Variants in HIVEP3 observed in about 807,000 individuals in gnomAD.
HIVEP3 encodes the protein HIVEP zinc finger 3.
Under a neutral mutation model 152.8 loss-of-function variants are expected in HIVEP3, and 49 were observed. The ratio of observed to expected loss-of-function variants is 0.32; its 90% CI spans 0.26 to 0.41. HIVEP3 has a LOEUF of 0.41. Among genes scored for constraint, HIVEP3 ranks in the 10% least tolerant of loss-of-function variants. HIVEP3 has a pLI of 1.00. For synonymous variants in HIVEP3, 1,269 were observed against 1,289.0 expected (o/e 0.98, Z 0.33); for missense variants, 2,790 against 3,103.3 (o/e 0.90, Z 2.40).
At chr1:41,522,768 G>A (rs1249885812) in intron 6 of HIVEP3, among the ~76,000 whole-genome samples, 1 of 152,224 alleles carries the variant, frequency 6.6e-6, no homozygotes, top group Non-Finnish European at 1.5e-5. Flanking sequence ...CCCCCTGTGG[G>A]AAACTGCTTG....
intron 5 of HIVEP3, among the ~76,000 whole-genome samples, chr1:41,567,764 C>G (rs1011252231): frequency 5.3e-5 from 8 of 152,248 alleles, no homozygotes; most frequent in Non-Finnish European, 1.0e-4. Context: ...CCTTGAACAC[C>G]TGCAGAGCAG....
At chr1:41,699,166 C>T (rs1033896770) in intron 2 of HIVEP3, among the ~76,000 whole-genome samples, 6 of 152,346 alleles carry the variant, frequency 3.9e-5, no homozygotes, top group Middle Eastern at 3.4e-3. Flanking sequence ...GTGCTGAGCA[C>T]GTGGTGCATA....
chr1:41,639,023 A>G (rs1645330982), intron 2 of HIVEP3, among the ~76,000 whole-genome samples: 1 of 151,906 alleles, frequency 6.6e-6, no homozygotes. Flanking sequence ...CCCTCCTGAC[A>G]CCCTCCTGAC....
intron 1 of HIVEP3, among the ~76,000 whole-genome samples, chr1:41,926,234 C>A (rs191642798): frequency 6.6e-6 from 1 of 152,182 alleles, no homozygotes; most frequent in African/African-American, 2.4e-5. Context: ...TCAACTCCCT[C>A]GTACTTTTTA....
chr1:41,885,982 G>A (rs1470057347), intron 1 of HIVEP3, among the ~76,000 whole-genome samples: 1 of 152,180 alleles, frequency 6.6e-6, no homozygotes, highest in East Asian at 1.9e-4. Flanking sequence ...GTGATGCTAA[G>A]GAAGAAAGTT....
At chr1:41,952,826 A>G (rs971220777) in intron 1 of HIVEP3, among the ~76,000 whole-genome samples, 3 of 152,248 alleles carry the variant, frequency 2.0e-5, no homozygotes, top group African/African-American at 7.2e-5. Context: ...GTGATATAAA[A>G]TATCATTTAT....
At chr1:41,976,179 T>C (rs1376808966) in intron 1 of HIVEP3, among the ~76,000 whole-genome samples, 2 of 152,254 alleles carry the variant, frequency 1.3e-5, no homozygotes, top group East Asian at 3.8e-4. Flanking sequence ...CACGTGTGAC[T>C]TGAAAGTTTA....
rs1006173597 is a variant in HIVEP3, at chr1:41,684,019, C to A, written c.-721+16897G>T. 5.3e-5 allele frequency among the ~76,000 whole-genome samples: 8 copies of A among 152,342 alleles called. No homozygotes were observed. In the South Asian group the frequency reaches 1.4e-3, roughly 28 times the overall value. On this transcript the variant is annotated intron_variant, in intron 2 of 8. Transcript: ENST00000372583. ...GCAGCTGTGTGGTCCTTTGTCCTGTCTTCCAAAAGCACTGCCTTTAAAAAA... is the reference window on the plus strand; with the variant it reads ...GCAGCTGTGTGGTCCTTTGTCCTGTATTCCAAAAGCACTGCCTTTAAAAAA...
chr1:41,649,479 C>T (rs1161672040), intron 2 of HIVEP3, among the ~76,000 whole-genome samples: 1 of 152,256 alleles, frequency 6.6e-6, no homozygotes, highest in Non-Finnish European at 1.5e-5. Flanking sequence ...TTGTTAAATA[C>T]ACGAATCCTT....
intron 1 of HIVEP3, among the ~76,000 whole-genome samples, chr1:41,954,905 C>T (rs1426905730): frequency 6.6e-6 from 1 of 151,896 alleles, no homozygotes; most frequent in Non-Finnish European, 1.5e-5. Flanking sequence ...ACGTGAGTCA[C>T]ACTCGGTAAA....
intron 1 of HIVEP3, among the ~76,000 whole-genome samples, chr1:41,797,263 G>A (rs1186494237): frequency 6.6e-6 from 1 of 152,160 alleles, no homozygotes; most frequent in Non-Finnish European, 1.5e-5. Flanking sequence ...TTCAACCAGG[G>A]CCCAGCTATG....
chr1:41,862,070 C>T (rs1643894491), intron 1 of HIVEP3, among the ~76,000 whole-genome samples: 1 of 152,142 alleles, frequency 6.6e-6, no homozygotes, highest in Non-Finnish European at 1.5e-5. Flanking sequence ...GTGGCATCGT[C>T]AGACATAAAG....
chr1:41,795,205 G>A (rs1348013919), intron 1 of HIVEP3, among the ~76,000 whole-genome samples: 1 of 152,086 alleles, frequency 6.6e-6, no homozygotes, highest in African/African-American at 2.4e-5. Flanking sequence ...CTCCTTAACT[G>A]TCCTCTGGTC....
intron 1 of HIVEP3, among the ~76,000 whole-genome samples, chr1:41,787,801 C>T (rs979638367): frequency 4.0e-5 from 6 of 151,896 alleles, no homozygotes; most frequent in African/African-American, 1.2e-4. Context: ...TACTAAGATG[C>T]TACAATTACA....
intron 5 of HIVEP3, among the ~76,000 whole-genome samples, chr1:41,562,064 T>G (rs1644073455): frequency 6.6e-6 from 1 of 152,196 alleles, no homozygotes; most frequent in African/African-American, 2.4e-5. Context: ...TGCTGAACAC[T>G]TGTATACTTT....
chr1:41,563,972 T>C (rs764836452), intron 5 of HIVEP3, among the ~76,000 whole-genome samples: 1 of 152,114 alleles, frequency 6.6e-6, no homozygotes, highest in Non-Finnish European at 1.5e-5. Context: ...AGAGGGCAGA[T>C]CATGAGGTCT....
intron 1 of HIVEP3, among the ~76,000 whole-genome samples, chr1:41,990,481 G>T (rs1258856181): frequency 6.9e-6 from 1 of 145,478 alleles, no homozygotes; most frequent in Non-Finnish European, 1.5e-5. Flanking sequence ...CCCAATACAG[G>T]AGCACCCAGA....
Position 41,641,372 on chromosome 1 carries a change from A to G in HIVEP3, c.-720-12425T>C, listed in dbSNP as rs201445673. Among the ~76,000 whole-genome samples, 268 of 152,298 alleles carry G rather than the reference A, an allele frequency of 1.8e-3. 3 individuals carry two copies. Among genetic ancestry groups the G allele is most frequent in the African/African-American group, 5.9e-3 (245 of 41,576 alleles). On this transcript the variant is annotated intron_variant, in intron 2 of 8. Coordinates refer to ENST00000372583, the MANE Select transcript of HIVEP3 (RefSeq NM_024503.5). ...GCTAAGAGGGGAAGCCTGGTGACCC[A>G]GGGTCCTCCGGGGACCCAGCCAGGC...
intron 3 of HIVEP3, among the ~76,000 whole-genome samples, chr1:41,596,160 A>G (rs759342098): frequency 4.6e-5 from 7 of 152,178 alleles, no homozygotes; most frequent in Non-Finnish European, 8.8e-5. Flanking sequence ...ATGACGAGAT[A>G]AAGTCCCAAA....
Sources: gnomAD v4.1 joint callset for allele counts (sites outside exome capture counted in the v4.1 genomes callset) on GRCh38, gnomAD v4.1.1 for gene constraint, MANE v1.5 for transcripts, NCBI Gene and HGNC (gene_info 2026-07-23, HGNC 2026-07-21) for gene names.